The following POLD3 variants were observed in gnomAD, a reference collection of about 807,000 sequenced individuals.
POLD3 encodes DNA polymerase delta 3, accessory subunit, also known as DNA polymerase delta subunit 3.
POLD3 carries 19 observed loss-of-function variants against 58.2 expected under a neutral mutation model. That is an observed-to-expected ratio of 0.33 (90% confidence interval 0.23 to 0.48). The LOEUF is 0.48. Among genes scored for constraint, POLD3 ranks in the 20% least tolerant of loss-of-function variants. The pLI, the probability that POLD3 is intolerant of heterozygous loss-of-function variation, is 0.99. For missense variants in POLD3, 504 were observed against 545.5 expected, an observed-to-expected ratio of 0.92 and a Z score of 0.76; for synonymous variants, 172 against 193.5, an observed-to-expected ratio of 0.89 and a Z score of 0.92.
chr11:74,623,536 T>A (rs923123071), intron 7 of POLD3, among the ~76,000 whole-genome samples: 1 of 152,166 alleles, frequency 6.6e-6, no homozygotes, highest in Non-Finnish European at 1.5e-5. Flanking sequence ...TCTGGGGTGA[T>A]GAAAATGCTC....
chr11:74,649,094 G>A (rs1316954753), intron 4 of POLD3, among the ~76,000 whole-genome samples: 1 of 152,086 alleles, frequency 6.6e-6, no homozygotes, highest in Non-Finnish European at 1.5e-5. Flanking sequence ...GTTTCACCAA[G>A]GATTCATGTA....
chr11:74,658,075 A>G (rs2033159650), intron 4 of POLD3, among the ~76,000 whole-genome samples: 1 of 152,172 alleles, frequency 6.6e-6, no homozygotes, highest in Non-Finnish European at 1.5e-5. Context: ...CATGCTGCTG[A>G]TAAAGACATA....
chr11:74,650,087 A>C (rs1389797221), intron 4 of POLD3, among the ~76,000 whole-genome samples: 1 of 152,202 alleles, frequency 6.6e-6, no homozygotes, highest in Non-Finnish European at 1.5e-5. Context: ...TGAGGATTAG[A>C]GATAACAAAT....
At chr11:74,620,327 TC>T (rs2032214397) in intron 7 of POLD3, among the ~76,000 whole-genome samples, 1 of 152,176 alleles carries the variant, frequency 6.6e-6, no homozygotes, top group South Asian at 2.1e-4. Context: ...TGGTTTAACT[TC>T]CTGCCTTGAA....
At chr11:74,638,743 A>G in intron 11 of POLD3, 2 of 452,174 alleles carry the variant, frequency 4.4e-6, no homozygotes, top group Non-Finnish European at 8.9e-6. Flanking sequence ...GGCTATGTGC[A>G]TTACTTGAAG....
chr11:74,611,917 A>G (rs6592574), intron 4 of POLD3, among the ~76,000 whole-genome samples: 110,599 of 152,156 alleles, frequency 0.73, 40,312 homozygotes, highest in Middle Eastern at 0.77. Flanking sequence ...ATAACTTCTA[A>G]ATTAAATTTG....
At chr11:74,654,017 C>A (rs2033101302) in intron 4 of POLD3, among the ~76,000 whole-genome samples, 1 of 152,032 alleles carries the variant, frequency 6.6e-6, no homozygotes, top group Non-Finnish European at 1.5e-5. Flanking sequence ...AGGGGAGATG[C>A]CACACACTTT....
intron 4 of POLD3, among the ~76,000 whole-genome samples, chr11:74,667,494 C>T (rs1472728375): frequency 2.6e-5 from 4 of 152,108 alleles, no homozygotes; most frequent in Admixed American, 1.3e-4. Context: ...CGCGCCACTG[C>T]ACTCCAACCT....
chr11:74,661,021 C>G (rs1287541694), intron 4 of POLD3, among the ~76,000 whole-genome samples: 3 of 151,732 alleles, frequency 2.0e-5, no homozygotes, highest in Admixed American at 2.0e-4. Flanking sequence ...TTGCATTTTT[C>G]AACTCCAGAA....
intron 4 of POLD3, among the ~76,000 whole-genome samples, chr11:74,649,118 C>A (rs1027359411): frequency 8.5e-5 from 13 of 152,164 alleles, no homozygotes; most frequent in Non-Finnish European, 1.8e-4. Flanking sequence ...CATTCTCTGA[C>A]GCACATACAC....
At chr11:74,598,615 G>T (rs1204823310) in intron 2 of POLD3, among the ~76,000 whole-genome samples, 2 of 152,144 alleles carry the variant, frequency 1.3e-5, no homozygotes, top group Non-Finnish European at 2.9e-5. Context: ...TCATCTCTAG[G>T]CATCTTTATG....
intron 5 of POLD3, among the ~76,000 whole-genome samples, chr11:74,617,226 A>G (rs1397384613): frequency 6.6e-6 from 1 of 152,174 alleles, no homozygotes; most frequent in Non-Finnish European, 1.5e-5. Flanking sequence ...ATGATTAGAG[A>G]GAGATGTATG....
chr11:74,654,605 A>G (rs9651762), intron 4 of POLD3, among the ~76,000 whole-genome samples: 124,504 of 152,136 alleles, frequency 0.82, 51,131 homozygotes, highest in Middle Eastern at 0.94. Flanking sequence ...CTGACCCTCA[A>G]GTAAAAATAG....
intron 2 of POLD3, among the ~76,000 whole-genome samples, chr11:74,602,100 C>A (rs1565112120): frequency 6.7e-6 from 1 of 149,734 alleles, no homozygotes; most frequent in Non-Finnish European, 1.5e-5. Context: ...CTTTGTTACA[C>A]TTTTTTTTTT....
At position 74,642,204 on chromosome 11, in the gene POLD3, G is replaced by A. The variant is rs1436003204; in HGVS notation, c.*1438G>A. The A allele has an allele frequency of 1.0e-6, 1 of 985,344 alleles. No individual in the cohort carries two copies. Among genetic ancestry groups the A allele is most frequent in the Non-Finnish European group, 1.2e-6 (1 of 829,954 alleles). 61.0% of individuals were successfully genotyped at this position (985,344 alleles called of 1,614,324 possible). A position where few individuals can be genotyped will look rare whatever the true frequency, so the allele number is the denominator to read the frequency against. ...ATGAGCTTCTTTAGCAACCAAGCATGAACTTGATTAAGACCAGAAGTTTGG... is the reference window on the plus strand; with the variant it reads ...ATGAGCTTCTTTAGCAACCAAGCATAAACTTGATTAAGACCAGAAGTTTGG... On this transcript the variant is annotated 3_prime_UTR_variant, in exon 12 of 12. Coordinates refer to ENST00000263681, the MANE Select transcript of POLD3 (RefSeq NM_006591.3).
intron 4 of POLD3, among the ~76,000 whole-genome samples, chr11:74,667,690 T>A (rs897389808): frequency 6.6e-6 from 1 of 152,086 alleles, no homozygotes; most frequent in Non-Finnish European, 1.5e-5. Flanking sequence ...TGACCTTGGG[T>A]TTGGAAAACC....
intron 9 of POLD3, among the ~76,000 whole-genome samples, chr11:74,629,589 T>TTC (rs202214403): frequency 2.0e-5 from 3 of 151,504 alleles, no homozygotes; most frequent in African/African-American, 7.2e-5. Context: ...TTCTTTTCTT[T>TTC]TTTTTTTTTA....
intron 9 of POLD3, among the ~76,000 whole-genome samples, chr11:74,629,974 T>G (rs2032544619): frequency 1.3e-5 from 2 of 152,196 alleles, no homozygotes; most frequent in Admixed American, 1.3e-4. Flanking sequence ...CGACTCTACC[T>G]TGAAAAGCCC....
intron 1 of POLD3, 87 bp downstream of exon 1, chr11:74,592,805 T>C (rs2298573): frequency 0.076 from 119,906 of 1,573,196 alleles, 6,991 homozygotes; most frequent in African/African-American, 0.28. Context: ...CTCTGTCTGC[T>C]TGTGGCTTCG....
Sources: allele counts gnomAD v4.1 joint callset (sites outside exome capture counted in the v4.1 genomes callset), GRCh38; gene constraint gnomAD v4.1.1; transcripts MANE v1.5; gene names NCBI Gene and HGNC (gene_info 2026-07-23, HGNC 2026-07-21).